The following CDCA5 variants were observed in gnomAD, a reference collection of about 807,000 sequenced individuals.
CDCA5 encodes sororin.
A neutral mutation model predicts 25.7 loss-of-function variants in CDCA5; 14 were observed. That is an observed-to-expected ratio of 0.54 (90% CI 0.36 to 0.85). The LOEUF is 0.85. Among genes scored for constraint, CDCA5 ranks in the 40% least tolerant of loss-of-function variants. CDCA5 has a pLI of 0.01. For synonymous variants in CDCA5, 127 were observed against 128.7 expected, an observed-to-expected ratio of 0.99 and a Z score of 0.09; for missense variants, 307 against 324.5, an observed-to-expected ratio of 0.95 and a Z score of 0.41.
In CDCA5 at chr11:65,077,738, G is replaced by A; in HGVS notation, c.*1369C>T. On this transcript the variant is annotated 3_prime_UTR_variant, in exon 6 of 6. Coordinates refer to ENST00000275517, the MANE Select transcript of CDCA5 (RefSeq NM_080668.4). ...CTGACAAACCACAGAGCGTTGAGCAGATGGCCTGGGACTCCCAGACCTGGC... is the reference window on the plus strand; with the variant it reads ...CTGACAAACCACAGAGCGTTGAGCAAATGGCCTGGGACTCCCAGACCTGGC... The A allele has an allele frequency of 6.1e-6, 6 of 985,618 alleles. No homozygotes were observed. The South Asian group carries it at 2.3e-4, about 39-fold the overall frequency. 61.1% of individuals were successfully genotyped at this position (985,618 alleles called of 1,614,324 possible). A position where few individuals can be genotyped will look rare whatever the true frequency, so the allele number is the denominator to read the frequency against.
At chr11:65,062,890 C>G (rs1223843814), downstream of CDCA5, among the ~76,000 whole-genome samples, 4 of 152,150 alleles carry the variant, frequency 2.6e-5, no homozygotes, top group African/African-American at 9.7e-5. Context: ...TCTTGCTGCC[C>G]CTCCCAGAGC....
downstream of CDCA5, among the ~76,000 whole-genome samples, chr11:65,073,610 C>T (rs1947383696): frequency 6.6e-6 from 1 of 152,238 alleles, no homozygotes; most frequent in Non-Finnish European, 1.5e-5. Flanking sequence ...GAAGCCTGGA[C>T]ACCAGCCTCG....
Position 65,078,914 on chromosome 11 carries a change from G to A in CDCA5, c.*193C>T. The A allele has an allele frequency of 8.0e-7, 1 of 1,256,152 alleles. No homozygotes were observed. The allele number at this position is 1,256,152 out of a possible 1,614,324, so 77.8% of individuals were successfully genotyped here. ...CACCAGTGAGTGGCTGGGCCAGGCG[G>A]CCCCATTTCCTAAAACCAAGATGGC... On this transcript the variant is annotated 3_prime_UTR_variant, in exon 6 of 6. Coordinates refer to ENST00000275517, the MANE Select transcript of CDCA5 (RefSeq NM_080668.4).
At chr11:65,061,914 A>ATTTT (rs35836447), downstream of CDCA5, among the ~76,000 whole-genome samples, 71 of 82,302 alleles carry the variant, frequency 8.6e-4, 1 homozygote, top group South Asian at 1.7e-3. Flanking sequence ...CAGCTGCCTA[A>ATTTT]TTTTTTTTTT....
downstream of CDCA5, among the ~76,000 whole-genome samples, chr11:65,065,620 T>C (rs1198941082): frequency 1.3e-5 from 2 of 152,232 alleles, no homozygotes; most frequent in African/African-American, 2.4e-5. Flanking sequence ...AAATGCCCTT[T>C]AGAATATTAA....
At chr11:65,068,438 T>TCCTGCCTCC in intron 2 of CDCA5, 1 of 1,105,764 alleles carries the variant, frequency 9.0e-7, no homozygotes, top group Non-Finnish European at 1.2e-6. Context: ...TCTCCAGCTC[T>TCCTGCCTCC]CCTGCCTCCC....
At chr11:65,063,446 C>T (rs1182932966), downstream of CDCA5, among the ~76,000 whole-genome samples, 3 of 152,254 alleles carry the variant, frequency 2.0e-5, no homozygotes, top group South Asian at 2.1e-4. Context: ...AGATAACAGT[C>T]GCCAACACAT....
the CDCA5 span, among the ~76,000 whole-genome samples, chr11:65,061,107 C>T: frequency 1.3e-5 from 2 of 152,240 alleles, no homozygotes; most frequent in African/African-American, 4.8e-5. Context: ...TTCTGACTCA[C>T]TTTCTGCTTC....
chr11:65,070,001 T>C (rs1947309813), intron 1 of CDCA5, among the ~76,000 whole-genome samples: 1 of 152,168 alleles, frequency 6.6e-6, no homozygotes, highest in African/African-American at 2.4e-5. Context: ...GAGGGAGCCA[T>C]GCATTCTGCT....
downstream of CDCA5, among the ~76,000 whole-genome samples, chr11:65,077,192 C>G (rs574104780): frequency 1.8e-4 from 28 of 152,162 alleles, no homozygotes; most frequent in African/African-American, 6.5e-4. Flanking sequence ...GAGGCTGAGG[C>G]AGGAGAATCG....
chr11:65,073,206 A>G (rs1472449851), downstream of CDCA5, among the ~76,000 whole-genome samples: 1 of 151,916 alleles, frequency 6.6e-6, no homozygotes, highest in Non-Finnish European at 1.5e-5. Context: ...CAGCCTCCCA[A>G]AGTGCTGGGA....
intron 4 of CDCA5, among the ~76,000 whole-genome samples, chr11:65,082,708 C>T (rs933066863): frequency 3.9e-5 from 6 of 151,966 alleles, no homozygotes; most frequent in South Asian, 2.1e-4. Flanking sequence ...GTGATCTGCC[C>T]GCCTCAGCCT....
At chr11:65,071,661 T>C (rs1947346049) in intron 1 of CDCA5, among the ~76,000 whole-genome samples, 1 of 152,204 alleles carries the variant, frequency 6.6e-6, no homozygotes, top group African/African-American at 2.4e-5. Flanking sequence ...GCATCTTGTA[T>C]TTTTTGCTAA....
intron 1 of CDCA5, chr11:65,068,641 A>C: frequency 1.7e-6 from 2 of 1,173,938 alleles, no homozygotes; most frequent in Non-Finnish European, 2.3e-6. Context: ...CACATCTACC[A>C]TCCCCGCTAT....
chr11:65,062,121 T>A (rs1947192111), downstream of CDCA5, among the ~76,000 whole-genome samples: 1 of 152,032 alleles, frequency 6.6e-6, no homozygotes, highest in Non-Finnish European at 1.5e-5. Flanking sequence ...GGTTTCTCCA[T>A]GTTGGTCAGG....
At chr11:65,071,890 C>A (rs904715386) in intron 1 of CDCA5, among the ~76,000 whole-genome samples, 3 of 152,198 alleles carry the variant, frequency 2.0e-5, no homozygotes, top group Non-Finnish European at 4.4e-5. Flanking sequence ...TTCAGTCCTG[C>A]TCTGCTGCTC....
intron 1 of CDCA5, among the ~76,000 whole-genome samples, chr11:65,069,788 A>G (rs1590787174): frequency 1.3e-5 from 2 of 152,264 alleles, no homozygotes; most frequent in Admixed American, 6.5e-5. Flanking sequence ...ACTTCTTCAC[A>G]TGGTAGGATA....
At chr11:65,071,046 A>T (rs1429260671) in intron 1 of CDCA5, among the ~76,000 whole-genome samples, 1 of 148,888 alleles carries the variant, frequency 6.7e-6, no homozygotes, top group Non-Finnish European at 1.5e-5. Flanking sequence ...GGTTCACGCC[A>T]TTCTCCTGCC....
At chr11:65,082,609 C>T (rs768251326) in intron 4 of CDCA5, among the ~76,000 whole-genome samples, 14 of 151,812 alleles carry the variant, frequency 9.2e-5, no homozygotes, top group East Asian at 1.9e-4. Context: ...ACTATAGGCA[C>T]GTGCCACCAT....
Sources: allele counts gnomAD v4.1 joint callset (sites outside exome capture counted in the v4.1 genomes callset), GRCh38; gene constraint gnomAD v4.1.1; transcripts MANE v1.5; gene names NCBI Gene and HGNC (gene_info 2026-07-23, HGNC 2026-07-21).